Variants in ZFP69 observed in about 807,000 individuals in gnomAD.
ZFP69 encodes zinc finger protein 69 homolog.
A neutral mutation model predicts 48.9 loss-of-function variants in ZFP69; 35 were observed. The observed-to-expected ratio is 0.72, with a 90% CI of 0.55 to 0.95. The LOEUF (loss-of-function observed/expected upper bound fraction) is 0.95, where lower values mean the gene tolerates loss of function less well. Among genes scored for constraint, ZFP69 ranks in the 40% least tolerant of loss-of-function variants. The pLI, the probability that ZFP69 is intolerant of heterozygous loss-of-function variation, is 0.00. For synonymous variants in ZFP69, 193 were observed against 216.8 expected (o/e 0.89, Z 0.96); for missense variants, 557 against 638.4 (o/e 0.87, Z 1.37).
At position 40,496,104 on chromosome 1, in the gene ZFP69, G is replaced by T; in HGVS notation, c.*45G>T. The stretch of plus-strand genomic sequence containing the variant: ...GAACAAAAGCCAAGTGTAAATTGGT[G>T]ATTTAGAGTGCTTTAAAATTTCAGG... On this transcript the variant is annotated 3_prime_UTR_variant, in exon 6 of 6. Transcript: ENST00000372706. The T allele has an allele frequency of 6.6e-7, 1 of 1,512,050 alleles. No individual in the cohort carries two copies. The highest frequency in any genetic ancestry group is 1.4e-5 in the South Asian group (1 of 73,506). The allele number at this position is 1,512,050 out of a possible 1,614,324, so 93.7% of individuals were successfully genotyped here. A position where few individuals can be genotyped will look rare whatever the true frequency, so the allele number is the denominator to read the frequency against.
intron 2 of ZFP69, 81 bp from the exon 3 acceptor site, chr1:40,481,682 A>ACT: frequency 2.7e-6 from 3 of 1,095,166 alleles, no homozygotes; most frequent in Non-Finnish European, 4.0e-6. Context: ...GGGAGGAGCC[A>ACT]CATTGAGTGG....
intron 3 of ZFP69, among the ~76,000 whole-genome samples, chr1:40,486,662 T>C (rs922147100): frequency 3.3e-5 from 5 of 151,498 alleles, no homozygotes; most frequent in African/African-American, 4.9e-5. Flanking sequence ...GCTCAAGCAG[T>C]CCTCCTGCCT....
chr1:40,495,022 G>T lies in ZFP69; in HGVS notation c.544G>T (p.Asp182Tyr). The change falls in exon 6 of 6, where the codon GAT (aspartate) becomes TAT (tyrosine). Residue 182 changes from aspartate (D) to tyrosine (Y), a missense_variant. Physicochemically the swap from Asp to Tyr is radical, Grantham distance 160. Coordinates refer to ENST00000372706, the MANE Select transcript of ZFP69 (RefSeq NM_001320179.2). The stretch of plus-strand genomic sequence containing the variant: ...TATGATGGAAAGTTTCATGAGGGAT[G>T]ATATAATTTATTCCACGTTGAGAAA... ...GIMMESFMRD[D>Y]IIYSTLRKVS... The T allele has an allele frequency of 6.2e-7, 1 of 1,613,976 alleles. No homozygotes were observed. The highest frequency in any genetic ancestry group is 1.3e-5 in the African/African-American group (1 of 74,988).
At chr1:40,482,096 G>C (rs12048678) in intron 3 of ZFP69, among the ~76,000 whole-genome samples, 22,047 of 150,722 alleles carry the variant, frequency 0.15, 2,244 homozygotes, top group East Asian at 0.44. Context: ...TCTGAATCTA[G>C]TATGATGCTA....
chr1:40,486,409 C>T (rs1645497734), intron 3 of ZFP69, among the ~76,000 whole-genome samples: 1 of 139,146 alleles, frequency 7.2e-6, no homozygotes, highest in Admixed American at 7.1e-5. Flanking sequence ...TCCCTCCTTT[C>T]CTCCCTCCCT....
At chr1:40,484,254 C>T (rs1411011992) in intron 3 of ZFP69, among the ~76,000 whole-genome samples, 1 of 152,054 alleles carries the variant, frequency 6.6e-6, no homozygotes, top group Admixed American at 6.5e-5. Context: ...GGCTGGACTG[C>T]AGTGGTGCGA....
intron 3 of ZFP69, among the ~76,000 whole-genome samples, chr1:40,488,215 T>C (rs1645524162): frequency 6.6e-6 from 1 of 152,102 alleles, no homozygotes; most frequent in African/African-American, 2.4e-5. Context: ...TTTTGATTTG[T>C]TCTATTTCCA....
chr1:40,483,666 CTTCAGACTA>C (rs1251783310), intron 3 of ZFP69, among the ~76,000 whole-genome samples: 1 of 152,136 alleles, frequency 6.6e-6, no homozygotes, highest in Non-Finnish European at 1.5e-5. Flanking sequence ...AGCGATAACT[CTTCAGACTA>C]TTATCGTTAC....
At chr1:40,488,235 G>A (rs963176707) in intron 3 of ZFP69, among the ~76,000 whole-genome samples, 7 of 151,868 alleles carry the variant, frequency 4.6e-5, no homozygotes, top group African/African-American at 1.2e-4. Flanking sequence ...AAACCCTTTC[G>A]TCTCTCTGGT....
intron 2 of ZFP69, among the ~76,000 whole-genome samples, chr1:40,480,866 G>A (rs1379768728): frequency 1.3e-5 from 2 of 152,204 alleles, no homozygotes; most frequent in African/African-American, 4.8e-5. Flanking sequence ...GTTAAGGAAA[G>A]TCCAGAAGAA....
chr1:40,484,317 A>G lies in ZFP69; in HGVS notation c.219+2463A>G, dbSNP rs189372777. ...TGGGTTCAAGCGATTCTCCAGCCTC[A>G]GCCTCCCGAGTAGCTGAGATTACAG... On this transcript the variant is annotated intron_variant, in intron 3 of 5. Transcript: ENST00000372706. 9.8e-4 allele frequency among the ~76,000 whole-genome samples: 147 copies of G among 150,662 alleles called. 2 individuals carry two copies. Among genetic ancestry groups the G allele is most frequent in the African/African-American group, 3.1e-3 (128 of 41,042 alleles).
chr1:40,490,188 C>G (rs1645553008), intron 5 of ZFP69, among the ~76,000 whole-genome samples: 1 of 151,950 alleles, frequency 6.6e-6, no homozygotes, highest in Non-Finnish European at 1.5e-5. Context: ...TTTAAACAAC[C>G]AGATCTCATG....
At chr1:40,488,892 T>G (rs1327893453) in intron 3 of ZFP69, among the ~76,000 whole-genome samples, 196 bp from the exon 4 acceptor site, 1 of 151,990 alleles carries the variant, frequency 6.6e-6, no homozygotes, top group East Asian at 1.9e-4. Flanking sequence ...ATCTCCAGAT[T>G]AGAGATCCAG....
intron 3 of ZFP69, among the ~76,000 whole-genome samples, chr1:40,482,525 GA>G (rs1476605266): frequency 5.3e-5 from 8 of 152,214 alleles, no homozygotes; most frequent in African/African-American, 1.9e-4. Context: ...TTGGAGGACA[GA>G]AGGGTTTGAA....
intron 5 of ZFP69, among the ~76,000 whole-genome samples, chr1:40,494,254 A>G (rs1187112035): frequency 4.9e-5 from 4 of 81,028 alleles, no homozygotes; most frequent in Non-Finnish European, 8.4e-5. Flanking sequence ...AAAAGATTCA[A>G]AATTTTTTTT....
At chr1:40,489,366 A>AT in intron 4 of ZFP69, 152 bp downstream of exon 4, 1 of 1,237,510 alleles carries the variant, frequency 8.1e-7, no homozygotes, top group Non-Finnish European at 1.1e-6. Flanking sequence ...GGCATATCCA[A>AT]TTTGACTTTC....
At chr1:40,483,742 A>G (rs902475363) in intron 3 of ZFP69, among the ~76,000 whole-genome samples, 4 of 152,204 alleles carry the variant, frequency 2.6e-5, no homozygotes, top group Non-Finnish European at 4.4e-5. Context: ...GATGGCAGAT[A>G]TTAGCATTTG....
chr1:40,490,729 C>G (rs1039899391), intron 5 of ZFP69: 1 of 152,186 alleles, frequency 6.6e-6, no homozygotes, highest in Non-Finnish European at 1.5e-5. Flanking sequence ...TTTTACAATT[C>G]CAGCTTCGAT....
At chr1:40,492,939 T>A (rs2124460641) in intron 5 of ZFP69, among the ~76,000 whole-genome samples, 1 of 152,244 alleles carries the variant, frequency 6.6e-6, no homozygotes, top group Non-Finnish European at 1.5e-5. Flanking sequence ...AAAGATTATG[T>A]TGCTGGCCAG....
Sources: allele counts gnomAD v4.1 joint callset (sites outside exome capture counted in the v4.1 genomes callset), GRCh38; gene constraint gnomAD v4.1.1; transcripts MANE v1.5; gene names NCBI Gene and HGNC (gene_info 2026-07-23, HGNC 2026-07-21).